The following SFXN1 variants were observed in gnomAD, a reference collection of about 807,000 sequenced individuals.
SFXN1 encodes sideroflexin-1.
In SFXN1, 32 loss-of-function variants were observed where a neutral mutation model predicts 39.5. The ratio of observed to expected loss-of-function variants is 0.81; its 90% confidence interval spans 0.61 to 1.09. The LOEUF (loss-of-function observed/expected upper bound fraction) is 1.09, where lower values mean the gene tolerates loss of function less well. Ranked by LOEUF, SFXN1 falls within the 50% of genes least tolerant of loss-of-function variation. The probability of loss-of-function intolerance (pLI) is 0.00; values close to 1 mark genes in which losing one functional copy is unlikely to be tolerated. For synonymous variants in SFXN1, 136 were observed against 146.5 expected (o/e 0.93, Z 0.52); for missense variants, 402 against 407.1 (o/e 0.99, Z 0.11).
At chr5:175,487,830 C>T (rs2113268101) in intron 1 of SFXN1, among the ~76,000 whole-genome samples, 1 of 152,292 alleles carries the variant, frequency 6.6e-6, no homozygotes, top group African/African-American at 2.4e-5. Flanking sequence ...CCTCGGCCCT[C>T]TCCACCTCCA....
intron 1 of SFXN1, among the ~76,000 whole-genome samples, chr5:175,479,288 G>A (rs918062009): frequency 2.0e-5 from 3 of 152,186 alleles, no homozygotes; most frequent in African/African-American, 7.2e-5. Context: ...CGTGCCAGGT[G>A]ACTTAGGTCC....
chr5:175,489,367 A>T (rs934037544), intron 1 of SFXN1, among the ~76,000 whole-genome samples: 1 of 152,218 alleles, frequency 6.6e-6, no homozygotes, highest in African/African-American at 2.4e-5. Context: ...CATGGACAGG[A>T]GCCAGTGTGT....
chr5:175,481,556 C>T (rs910950697), intron 1 of SFXN1, among the ~76,000 whole-genome samples: 3 of 152,158 alleles, frequency 2.0e-5, no homozygotes, highest in African/African-American at 7.2e-5. Flanking sequence ...CCTCATGATC[C>T]GCCCACCTCA....
chr5:175,514,384 G>A (rs1452890186), intron 7 of SFXN1, among the ~76,000 whole-genome samples: 1 of 152,174 alleles, frequency 6.6e-6, no homozygotes, highest in Non-Finnish European at 1.5e-5. Flanking sequence ...TAGTTCTGCT[G>A]AGAATCTCTA....
chr5:175,494,604 T>C (rs1369843012), intron 2 of SFXN1, among the ~76,000 whole-genome samples: 1 of 151,874 alleles, frequency 6.6e-6, no homozygotes, highest in African/African-American at 2.4e-5. Context: ...TACAAAAAAT[T>C]AGCTGGGCGT....
At chr5:175,509,266 A>T (rs543084583) in intron 3 of SFXN1, 64 bp downstream of exon 3, 5 of 1,476,676 alleles carry the variant, frequency 3.4e-6, no homozygotes, top group South Asian at 2.7e-5. Flanking sequence ...ATATTTTTGT[A>T]TGTAAATAAT....
intron 2 of SFXN1, among the ~76,000 whole-genome samples, chr5:175,504,950 G>A (rs1002466865): frequency 5.9e-5 from 9 of 152,030 alleles, no homozygotes; most frequent in African/African-American, 2.2e-4. Flanking sequence ...GAATGGTCTT[G>A]ATCTCCTGAC....
intron 10 of SFXN1, among the ~76,000 whole-genome samples, chr5:175,525,521 T>C (rs1347167458): frequency 6.6e-6 from 1 of 152,268 alleles, no homozygotes; most frequent in Non-Finnish European, 1.5e-5. Flanking sequence ...TTCGTAATTT[T>C]TAAAATTTGT....
At chr5:175,490,757 G>T (rs1470534125) in intron 1 of SFXN1, among the ~76,000 whole-genome samples, 1 of 152,116 alleles carries the variant, frequency 6.6e-6, no homozygotes, top group Non-Finnish European at 1.5e-5. Flanking sequence ...AGCATTATAT[G>T]TCATGGTGAA....
chr5:175,504,791 C>T (rs1454729635), intron 2 of SFXN1, among the ~76,000 whole-genome samples: 4 of 151,928 alleles, frequency 2.6e-5, no homozygotes, highest in African/African-American at 4.8e-5. Flanking sequence ...TGCAGTGGCG[C>T]GATCTTGGTT....
At chr5:175,509,909 T>C (rs1007222357) in intron 3 of SFXN1, among the ~76,000 whole-genome samples, 200 bp from the exon 4 acceptor site, 1 of 152,170 alleles carries the variant, frequency 6.6e-6, no homozygotes, top group African/African-American at 2.4e-5. Flanking sequence ...CTTGGTGTTA[T>C]CTATATCTAC....
intron 6 of SFXN1, among the ~76,000 whole-genome samples, chr5:175,512,819 G>A (rs1020469988): frequency 2.0e-5 from 3 of 152,198 alleles, no homozygotes; most frequent in African/African-American, 4.8e-5. Context: ...TAATAATGCT[G>A]TGTATTATAT....
At position 175,512,113 on chromosome 5, in the gene SFXN1, T is replaced by C. The variant is rs748049624; in HGVS notation, c.513T>C (p.His171=). Residue 171 remains histidine (H), a splice_region_variant and synonymous_variant, in exon 6 of 11, where the codon CAT becomes CAC. Coordinates refer to ENST00000321442, the MANE Select transcript of SFXN1 (RefSeq NM_022754.7). ...TALGLNALTK[H]VSPLIGRFVP... The stretch of plus-strand genomic sequence containing the variant: ...TCTTGAAATTTTCTCCTCTGCAGCA[T>C]GTCTCACCACTGATAGGACGTTTTG... The C allele has an allele frequency of 4.3e-6, 7 of 1,614,010 alleles. No homozygotes were observed. In the East Asian group the frequency reaches 8.9e-5, roughly 21 times the overall value.
At chr5:175,494,374 G>A (rs1454575412) in intron 2 of SFXN1, among the ~76,000 whole-genome samples, 1 of 152,218 alleles carries the variant, frequency 6.6e-6, no homozygotes, top group Non-Finnish European at 1.5e-5. Context: ...AGTAAGCGAT[G>A]TGTGCCAAGT....
intron 7 of SFXN1, chr5:175,513,819 G>C: frequency 4.8e-6 from 2 of 419,914 alleles, no homozygotes; most frequent in Non-Finnish European, 8.9e-6. Context: ...GAAGAGCACT[G>C]GGTGGAGGTG....
chr5:175,510,346 G>A, intron 4 of SFXN1, 139 bp downstream of exon 4: 1 of 675,712 alleles, frequency 1.5e-6, no homozygotes, highest in African/African-American at 1.9e-5. Flanking sequence ...CTTTTTTGTA[G>A]CTTTTTTCTT....
chr5:175,495,080 G>A (rs1051698897), intron 2 of SFXN1, among the ~76,000 whole-genome samples: 4 of 152,170 alleles, frequency 2.6e-5, no homozygotes, highest in African/African-American at 7.2e-5. Context: ...ATGTGCTCCC[G>A]CCATACAGTG....
At chr5:175,495,259 A>C (rs1689028808) in intron 2 of SFXN1, among the ~76,000 whole-genome samples, 1 of 152,206 alleles carries the variant, frequency 6.6e-6, no homozygotes, top group African/African-American at 2.4e-5. Flanking sequence ...AGTCAAATTC[A>C]GAGACAGAAA....
intron 10 of SFXN1, chr5:175,525,764 A>G (rs1003435195): frequency 6.6e-6 from 1 of 151,998 alleles, no homozygotes; most frequent in Admixed American, 6.6e-5. Flanking sequence ...ATACACCAAC[A>G]CACCTGTCTT....
Sources: allele counts gnomAD v4.1 joint callset (sites outside exome capture counted in the v4.1 genomes callset), GRCh38; gene constraint gnomAD v4.1.1; transcripts MANE v1.5; gene names NCBI Gene and HGNC (gene_info 2026-07-23, HGNC 2026-07-21).